ADAM9: variants seen among roughly 807,000 people sequenced by gnomAD.
ADAM9 encodes the protein disintegrin and metalloproteinase domain-containing protein 9.
A neutral mutation model predicts 108.1 loss-of-function variants in ADAM9; 54 were observed. That is an observed-to-expected ratio of 0.50 (90% confidence interval 0.40 to 0.63). The LOEUF is 0.63. Ranked by LOEUF, ADAM9 falls within the 20% of genes least tolerant of loss-of-function variation. The pLI is 0.00. For missense variants in ADAM9, 830 were observed against 997.7 expected, an observed-to-expected ratio of 0.83 and a Z score of 2.26; for synonymous variants, 316 against 336.0, an observed-to-expected ratio of 0.94 and a Z score of 0.65.
At chr8:39,024,443 C>G (rs999445507) in intron 9 of ADAM9, among the ~76,000 whole-genome samples, 8 of 152,120 alleles carry the variant, frequency 5.3e-5, no homozygotes, top group African/African-American at 1.9e-4. Context: ...TTCCCAGATG[C>G]TTGATGATTT....
At chr8:39,039,351 A>G (rs748689154) in intron 11 of ADAM9, among the ~76,000 whole-genome samples, 3 of 152,240 alleles carry the variant, frequency 2.0e-5, no homozygotes, top group Non-Finnish European at 4.4e-5. Flanking sequence ...TGAAATGGTT[A>G]GTCAAGCAGA....
At chr8:39,000,738 A>G (rs908633206) in intron 1 of ADAM9, among the ~76,000 whole-genome samples, 2 of 152,302 alleles carry the variant, frequency 1.3e-5, no homozygotes, top group Middle Eastern at 3.4e-3. Flanking sequence ...AAGTGCTGGG[A>G]TTACAGGTGT....
chr8:39,026,741 G>A lies in ADAM9; in HGVS notation c.1061G>A (p.Gly354Glu). Residue 354 changes from glycine (G) to glutamate (E), a missense_variant, in exon 11 of 22, where the codon GGA (glycine) becomes GAA (glutamate). Gly to Glu is a moderately conservative substitution (Grantham distance 98). Around this residue, in one of 3 missense-constraint regions of ADAM9, gnomAD observed 381 missense variants for 539.8 expected, o/e 0.71. Coordinates refer to ENST00000487273, the MANE Select transcript of ADAM9 (RefSeq NM_003816.3). ...IVAHELGHNLGMNHDDGRDCS... is the reference protein window; with the variant it reads ...IVAHELGHNLEMNHDDGRDCS... ...GCTCATGAATTGGGTCATAATCTTG[G>A]AATGAATCACGATGATGGGAGAGAT... The A allele has an allele frequency of 3.1e-6, 5 of 1,614,114 alleles. No individual in the cohort carries two copies. The highest frequency in any genetic ancestry group is 3.4e-6 in the Non-Finnish European group (4 of 1,180,020).
intron 11 of ADAM9, among the ~76,000 whole-genome samples, chr8:39,030,103 C>T (rs991538908): frequency 2.0e-5 from 3 of 152,120 alleles, no homozygotes; most frequent in Non-Finnish European, 2.9e-5. Flanking sequence ...ATTGACACAT[C>T]ATGATTTCTC....
intron 12 of ADAM9, among the ~76,000 whole-genome samples, chr8:39,052,256 C>T (rs1455137799): frequency 1.3e-5 from 2 of 152,040 alleles, no homozygotes; most frequent in Non-Finnish European, 2.9e-5. Flanking sequence ...AGATTATAGG[C>T]ATCATTTTCT....
intron 4 of ADAM9, chr8:39,014,653 G>A (rs965961825): frequency 1.1e-4 from 79 of 692,420 alleles, no homozygotes; most frequent in African/African-American, 1.1e-3. Flanking sequence ...CTTTTTGGCA[G>A]TTAGGTATTA....
intron 12 of ADAM9, among the ~76,000 whole-genome samples, chr8:39,046,152 A>G (rs893543077): frequency 2.6e-5 from 4 of 152,030 alleles, no homozygotes; most frequent in African/African-American, 9.6e-5. Flanking sequence ...TCTTTTAGCA[A>G]TGTTTTGTAA....
intron 12 of ADAM9, among the ~76,000 whole-genome samples, 170 bp downstream of exon 12, chr8:39,042,287 C>T (rs1837478683): frequency 6.6e-6 from 1 of 152,152 alleles, no homozygotes. Flanking sequence ...TCATCTCCTT[C>T]TTCTCAGAGT....
intron 20 of ADAM9, among the ~76,000 whole-genome samples, chr8:39,093,951 G>C (rs1174255962): frequency 6.6e-6 from 1 of 152,050 alleles, no homozygotes; most frequent in Non-Finnish European, 1.5e-5. Context: ...TATATTTTTA[G>C]TAGAGAGACA....
chr8:39,071,270 T>C, intron 14 of ADAM9, 28 bp from the exon 15 acceptor site: 1 of 1,606,482 alleles, frequency 6.2e-7, no homozygotes, highest in South Asian at 1.1e-5. Flanking sequence ...AACTTTTTTT[T>C]TCTTTTTTTA....
chr8:38,997,302 G>A, intron 1 of ADAM9, 142 bp downstream of exon 1: 1 of 979,054 alleles, frequency 1.0e-6, no homozygotes, highest in Non-Finnish European at 1.5e-6. Flanking sequence ...CTCCAGGTGT[G>A]TGCGGACCGG....
chr8:39,035,541 G>A (rs1011958935), intron 11 of ADAM9, among the ~76,000 whole-genome samples: 2 of 152,062 alleles, frequency 1.3e-5, no homozygotes, highest in African/African-American at 2.4e-5. Context: ...TTTCTAGACC[G>A]GGTGCGGTGG....
At chr8:39,072,362 A>G (rs1400543664) in intron 15 of ADAM9, among the ~76,000 whole-genome samples, 3 of 152,252 alleles carry the variant, frequency 2.0e-5, no homozygotes, top group Admixed American at 2.0e-4. Flanking sequence ...GTGCTTGCTA[A>G]GAAGAAATAG....
chr8:39,084,729 G>A (rs552439177), intron 18 of ADAM9, among the ~76,000 whole-genome samples: 4 of 151,760 alleles, frequency 2.6e-5, no homozygotes, highest in South Asian at 2.1e-4. Flanking sequence ...ATAGGTAGTC[G>A]GATCTTTCAT....
chr8:39,036,227 T>C (rs1837270918), intron 11 of ADAM9, among the ~76,000 whole-genome samples: 1 of 152,192 alleles, frequency 6.6e-6, no homozygotes, highest in Non-Finnish European at 1.5e-5. Flanking sequence ...TGTGAGTTGC[T>C]CTTCCTGGGA....
At position 39,081,245 on chromosome 8, in the gene ADAM9, G is replaced by A. The variant is rs563490856; in HGVS notation, c.1882-1396G>A. 4.0e-5 allele frequency among the ~76,000 whole-genome samples: 6 copies of A among 151,708 alleles called. No individual in the cohort carries two copies. The South Asian group carries it at 6.3e-4, about 16-fold the overall frequency. The stretch of plus-strand genomic sequence containing the variant: ...ATTACAGGCGTGAGCCACTGCACCC[G>A]GTCCCCACTGTGAGAGTTTTTGGGT... On this transcript the variant is annotated intron_variant, in intron 16 of 21. Coordinates refer to ENST00000487273, the MANE Select transcript of ADAM9 (RefSeq NM_003816.3).
At chr8:39,079,848 G>T (rs1838965394) in intron 16 of ADAM9, among the ~76,000 whole-genome samples, 1 of 152,224 alleles carries the variant, frequency 6.6e-6, no homozygotes, top group South Asian at 2.1e-4. Flanking sequence ...GCCTCCAAAA[G>T]TGTTGGGATT....
chr8:38,997,200 C>T lies in ADAM9; in HGVS notation c.97+40C>T, dbSNP rs761572088. ...CCCGGGTCGGTTGGGACGGCTGCTT[C>T]CTAGGGACGGGGCGCTCGGAGTGAA... On this transcript the variant is annotated intron_variant, in intron 1 of 21. Transcript: ENST00000487273. The T allele has an allele frequency of 5.1e-6, 8 of 1,573,772 alleles. No homozygotes were observed. In the Admixed American group the frequency reaches 1.1e-4, roughly 21 times the overall value.
At chr8:39,100,856 A>T (rs1015516279) in intron 20 of ADAM9, among the ~76,000 whole-genome samples, 14 of 152,210 alleles carry the variant, frequency 9.2e-5, no homozygotes, top group African/African-American at 3.4e-4. Flanking sequence ...GATCATTCCT[A>T]ACGTCTTATA....
Sources: allele counts gnomAD v4.1 joint callset (sites outside exome capture counted in the v4.1 genomes callset), GRCh38; gene constraint gnomAD v4.1.1; regional missense constraint gnomAD v4.1.1; transcripts MANE v1.5; gene names NCBI Gene and HGNC (gene_info 2026-07-23, HGNC 2026-07-21).